Variants in ECE2 observed in about 807,000 individuals in gnomAD.
The protein encoded by ECE2 is endothelin converting enzyme 2, also known as endothelin-converting enzyme 2.
In ECE2, 81 loss-of-function variants were observed where a neutral mutation model predicts 100.6. The observed-to-expected ratio is 0.81, with a 90% CI of 0.67 to 0.97. The LOEUF (loss-of-function observed/expected upper bound fraction) is 0.97. Among genes scored for constraint, ECE2 ranks in the 50% least tolerant of loss-of-function variants. ECE2 has a pLI of 0.00. For missense variants in ECE2, 911 were observed against 988.1 expected (o/e 0.92, Z 1.05); for synonymous variants, 391 against 391.5 (o/e 1.00, Z 0.02).
chr3:184,285,901 A>T (rs1721017897), intron 10 of ECE2, among the ~76,000 whole-genome samples: 1 of 152,222 alleles, frequency 6.6e-6, no homozygotes, highest in African/African-American at 2.4e-5. Flanking sequence ...CATGGTATGT[A>T]TAGGCACTCG....
intron 4 of ECE2, among the ~76,000 whole-genome samples, chr3:184,277,674 CG>C (rs546008415): frequency 8.4e-4 from 128 of 152,244 alleles, no homozygotes; most frequent in African/African-American, 2.9e-3. Context: ...AATGGAGGGC[CG>C]CTTCTCTGCA....
chr3:184,277,155 C>A, intron 3 of ECE2, 96 bp from the exon 4 acceptor site: 1 of 1,601,202 alleles, frequency 6.2e-7, no homozygotes, highest in Non-Finnish European at 8.5e-7. Context: ...GCTTTCTCTT[C>A]CCAACCTTCC....
At chr3:184,281,239 G>C (rs1194549072) in intron 7 of ECE2, among the ~76,000 whole-genome samples, 1 of 152,200 alleles carries the variant, frequency 6.6e-6, no homozygotes, top group African/African-American at 2.4e-5. Context: ...CCTCTGAGTG[G>C]AGGAGAAGGC....
At chr3:184,283,685 T>C (rs2108425182) in intron 7 of ECE2, 100 bp from the exon 8 acceptor site, 2 of 1,227,248 alleles carry the variant, frequency 1.6e-6, no homozygotes, top group African/African-American at 1.5e-5. Flanking sequence ...TCCAGAAGGA[T>C]CAAGCAGAAG....
chr3:184,279,196 AC>A (rs1358299324), intron 7 of ECE2, among the ~76,000 whole-genome samples: 6 of 150,798 alleles, frequency 4.0e-5, no homozygotes, highest in African/African-American at 1.5e-4. Flanking sequence ...TGTAATCCCA[AC>A]TACTCGGGAG....
intron 7 of ECE2, among the ~76,000 whole-genome samples, chr3:184,279,947 A>G (rs865809): frequency 0.81 from 123,419 of 151,960 alleles, 50,826 homozygotes; most frequent in African/African-American, 0.95. Context: ...AATTAAGAGC[A>G]TCTGCGGTAC....
At chr3:184,290,220 T>C in intron 13 of ECE2, 35 bp from the exon 14 acceptor site, 1 of 1,559,638 alleles carries the variant, frequency 6.4e-7, no homozygotes, top group South Asian at 1.1e-5. Flanking sequence ...CAATGGATTC[T>C]CTTGCTCTCT....
At position 184,290,596 on chromosome 3, in the gene ECE2, T is replaced by C. The variant is rs767469670; in HGVS notation, c.1695T>C (p.Leu565=). The part of the protein sequence containing the change: ...MTPQTVNAYY[L]PTKNEIVFPA... ...CCCAGACAGTGAATGCCTACTACCT[T>C]CCAACTAAGAATGAGATCGTCTTCC... The change falls in exon 15 of 19, where the codon CTT becomes CTC. Residue 565 remains leucine (L), a synonymous_variant. Coordinates refer to ENST00000404464, the MANE Select transcript of ECE2 (RefSeq NM_001100121.2). The C allele has an allele frequency of 1.3e-5, 21 of 1,614,072 alleles. No individual in the cohort carries two copies. Among genetic ancestry groups the C allele is most frequent in the Non-Finnish European group, 1.8e-5 (21 of 1,180,002 alleles).
intron 8 of ECE2, among the ~76,000 whole-genome samples, chr3:184,284,574 G>A (rs1053441914): frequency 7.9e-5 from 12 of 150,992 alleles, no homozygotes; most frequent in African/African-American, 2.2e-4. Flanking sequence ...AGAAGTGAAA[G>A]TTTCCACTGG....
chr3:184,282,850 C>G (rs1317666521), intron 7 of ECE2, among the ~76,000 whole-genome samples: 1 of 152,182 alleles, frequency 6.6e-6, no homozygotes, highest in Non-Finnish European at 1.5e-5. Context: ...TATGGAAAGC[C>G]TCTAATAGAG....
intron 8 of ECE2, 104 bp downstream of exon 8, chr3:184,284,077 C>T: frequency 7.2e-7 from 1 of 1,387,826 alleles, no homozygotes; most frequent in Non-Finnish European, 9.9e-7. Context: ...GTCCTTTCCT[C>T]ATTCCCTTGC....
At position 184,289,694 on chromosome 3, in the gene ECE2, A is replaced by G. The variant is rs1385422164; in HGVS notation, c.1527A>G (p.Lys509=). The G allele has an allele frequency of 6.2e-7, 1 of 1,613,430 alleles. No homozygotes were observed. The highest frequency in any genetic ancestry group is 1.3e-5 in the African/African-American group (1 of 75,036). Residue 509 remains lysine, a synonymous_variant, in exon 13 of 19, where the codon AAA becomes AAG. Transcript: ENST00000404464. The surrounding 1 kb of genome is among the most constrained non-coding windows in gnomAD (Gnocchi z 4.1). ...IGFPDFILEP[K]ELDDVYDGYE... is the part of the protein sequence containing the mutation. ...TCCCAGACTTTATCCTGGAGCCCAA[A>G]GAGCTGGATGATGTTTATGACGGGG...
At chr3:184,278,408 G>T in intron 6 of ECE2, 84 bp from the exon 7 acceptor site, 1 of 1,574,828 alleles carries the variant, frequency 6.3e-7, no homozygotes. Context: ...CTGACCCCCC[G>T]GCCCCACCCC....
chr3:184,281,446 C>A (rs1472299253), intron 7 of ECE2, among the ~76,000 whole-genome samples: 1 of 152,206 alleles, frequency 6.6e-6, no homozygotes, highest in African/African-American at 2.4e-5. Flanking sequence ...ATATGGCCAG[C>A]CCACTGGCCA....
In ECE2 at chr3:184,284,086, G is replaced by A. The variant is rs1720928120; in HGVS notation, c.1005+113G>A. 3.9e-6 allele frequency: 5 copies of A among 1,291,944 alleles called. No homozygotes were observed. In the Admixed American group the frequency reaches 8.8e-5, roughly 23 times the overall value. The allele number at this position is 1,291,944 out of a possible 1,614,324, so 80.0% of individuals were successfully genotyped here. Reference sequence around the variant, plus strand: ...CAGCCAGTCCTTTCCTCATTCCCTTGCTTTTCTGTGCTCCCCAGCTGCACT... The same window carrying A: ...CAGCCAGTCCTTTCCTCATTCCCTTACTTTTCTGTGCTCCCCAGCTGCACT... On this transcript the variant is annotated intron_variant, in intron 8 of 18. Transcript: ENST00000404464.
In ECE2 at chr3:184,289,647, G is replaced by T; in HGVS notation, c.1480G>T (p.Ala494Ser). The change falls in exon 13 of 19, where the codon GCC becomes TCC. Residue 494 changes from alanine (A) to serine (S), a missense_variant. By Grantham distance (99) the Ala-to-Ser change is moderately conservative (BLOSUM62 1). Coordinates refer to ENST00000404464, the MANE Select transcript of ECE2 (RefSeq NM_001100121.2). The surrounding 1 kb of genome is among the most constrained non-coding windows in gnomAD (Gnocchi z 4.1). ...CTTAACCTGGTCTCTTCAGGCAGAT[G>T]CCATCTATGATATGATTGGTTTCCC... ...TRQAAKEKAD[A>S]IYDMIGFPDF... The T allele has an allele frequency of 6.2e-7, 1 of 1,613,632 alleles. No individual in the cohort carries two copies. The highest frequency in any genetic ancestry group is 1.1e-5 in the South Asian group (1 of 91,018).
intron 10 of ECE2, among the ~76,000 whole-genome samples, chr3:184,287,113 A>G (rs1721090299): frequency 6.6e-6 from 1 of 151,654 alleles, no homozygotes; most frequent in Non-Finnish European, 1.5e-5. Flanking sequence ...GTCTCTACTG[A>G]AAAGACAAAA....
chr3:184,277,024 A>G lies in ECE2; in HGVS notation c.259A>G (p.Arg87Gly). 1.2e-6 allele frequency: 2 copies of G among 1,613,946 alleles called. No individual in the cohort carries two copies. Among genetic ancestry groups the G allele is most frequent in the East Asian group, 2.2e-5 (1 of 44,872 alleles). Reference protein sequence around the residue: ...CLVALGVQYHRDPSHSTCLTE... With the variant: ...CLVALGVQYHGDPSHSTCLTE... ...TGTGGCCCTAGGGGTCCAGTACCAC[A>G]GAGGTAGGTGGGCCCACACTCTTCG... The change falls in exon 3 of 19, where the codon AGA (arginine) becomes GGA (glycine). Residue 87 changes from arginine (R) to glycine (G), a missense_variant. Transcript: ENST00000404464.
Position 184,288,648 on chromosome 3 carries a change from C to A in ECE2, c.1374+701C>A, listed in dbSNP as rs868351882. 7.2e-5 allele frequency among the ~76,000 whole-genome samples: 11 copies of A among 152,158 alleles called. No homozygotes were observed. In the Middle Eastern group the frequency reaches 0.01, roughly 141 times the overall value. On this transcript the variant is annotated intron_variant, in intron 11 of 18. Coordinates refer to ENST00000404464, the MANE Select transcript of ECE2 (RefSeq NM_001100121.2). The stretch of plus-strand genomic sequence containing the variant: ...GAGGATCCTTAAATGGCTGATATAT[C>A]TTTCAGCAAAAAAAGTAGGTTACAA...
Sources: allele counts gnomAD v4.1 joint callset (sites outside exome capture counted in the v4.1 genomes callset), GRCh38; gene constraint gnomAD v4.1.1; non-coding constraint Gnocchi (gnomAD v3.1); transcripts MANE v1.5; gene names NCBI Gene and HGNC (gene_info 2026-07-23, HGNC 2026-07-21).